The following RHBDL2 variants were observed in gnomAD, a reference collection of about 807,000 sequenced individuals.
RHBDL2 encodes the protein rhomboid-related protein 2.
RHBDL2 carries 26 observed loss-of-function variants against 31.7 expected under a neutral mutation model. The ratio of observed to expected loss-of-function variants is 0.82; its 90% CI spans 0.60 to 1.14. The LOEUF (loss-of-function observed/expected upper bound fraction) is 1.14. Among genes scored for constraint, RHBDL2 ranks in the 50% most tolerant of loss-of-function variants. RHBDL2 has a pLI of 0.00. For synonymous variants in RHBDL2, 123 were observed against 127.2 expected (o/e 0.97, Z 0.22); for missense variants, 336 against 364.4 (o/e 0.92, Z 0.63).
intron 1 of RHBDL2, among the ~76,000 whole-genome samples, chr1:38,927,666 C>T (rs1421674392): frequency 6.6e-6 from 1 of 152,160 alleles, no homozygotes; most frequent in Admixed American, 6.6e-5. Flanking sequence ...CCTCAGTTTC[C>T]TCAGCTGTAA....
Position 38,885,855 on chromosome 1 carries a change from T to G in RHBDL2, c.*649A>C, listed in dbSNP as rs866132398. ...CAGCATTGTACAGTATTCATAGATT[T>G]TATGAAGCATTCTCCAAAATATATC... is the stretch of plus-strand genomic sequence containing the variant. On this transcript the variant is annotated 3_prime_UTR_variant, in exon 8 of 8. Coordinates refer to ENST00000372990, the MANE Select transcript of RHBDL2 (RefSeq NM_017821.5). 1.3e-5 allele frequency: 2 copies of G among 152,700 alleles called. No homozygotes were observed. The highest frequency in any genetic ancestry group is 2.9e-5 in the Non-Finnish European group (2 of 68,050). The allele number at this position is 152,700 out of a possible 1,614,324, so 9.5% of individuals were successfully genotyped here. A position where few individuals can be genotyped will look rare whatever the true frequency, so the allele number is the denominator to read the frequency against.
chr1:38,935,525 T>G (rs1296961870), intron 1 of RHBDL2, among the ~76,000 whole-genome samples: 1 of 152,214 alleles, frequency 6.6e-6, no homozygotes, highest in Non-Finnish European at 1.5e-5. Flanking sequence ...ATATCTACTT[T>G]ATAGATTCGG....
intron 6 of RHBDL2, among the ~76,000 whole-genome samples, chr1:38,891,116 A>G (rs1446725209): frequency 6.6e-6 from 1 of 152,124 alleles, no homozygotes; most frequent in African/African-American, 2.4e-5. Flanking sequence ...TAAAAATACA[A>G]TAATTAGCCA....
chr1:38,915,242 C>T (rs1039909532), intron 3 of RHBDL2, among the ~76,000 whole-genome samples: 3 of 151,364 alleles, frequency 2.0e-5, no homozygotes, highest in Admixed American at 6.6e-5. Context: ...AAGCAATTCT[C>T]CTGCCTCAGC....
At chr1:38,894,216 C>T (rs1642887351) in intron 5 of RHBDL2, among the ~76,000 whole-genome samples, 1 of 152,140 alleles carries the variant, frequency 6.6e-6, no homozygotes. Flanking sequence ...TCTACAACCA[C>T]TAATGGGTTG....
At chr1:38,917,191 G>T (rs1643250361) in intron 2 of RHBDL2, among the ~76,000 whole-genome samples, 1 of 151,406 alleles carries the variant, frequency 6.6e-6, no homozygotes. Context: ...CTAATTTTTT[G>T]TATTTTTAGT....
intron 6 of RHBDL2, among the ~76,000 whole-genome samples, chr1:38,890,873 T>C (rs916370092): frequency 1.3e-5 from 2 of 152,130 alleles, no homozygotes; most frequent in Admixed American, 6.6e-5. Context: ...ACCAATTTTT[T>C]TGTAGAGACA....
intron 5 of RHBDL2, among the ~76,000 whole-genome samples, chr1:38,894,002 T>C (rs763559894): frequency 1.3e-5 from 2 of 152,200 alleles, no homozygotes; most frequent in Non-Finnish European, 2.9e-5. Flanking sequence ...GTCCCTTCAC[T>C]TTCAAATTAG....
chr1:38,919,696 C>A (rs1643286164), intron 1 of RHBDL2, among the ~76,000 whole-genome samples: 1 of 151,766 alleles, frequency 6.6e-6, no homozygotes, highest in Non-Finnish European at 1.5e-5. Context: ...GCAACCTCTG[C>A]CTCCTGGGTT....
Position 38,926,137 on chromosome 1 carries a change from G to A in RHBDL2, c.-125-6800C>T, listed in dbSNP as rs562344425. ...ATTCACTTTTGCATGTCCCTAGGCA[G>A]CTAGGGCAGCTTGACCAATCAGCTG... On this transcript the variant is annotated intron_variant, in intron 1 of 7. Transcript: ENST00000372990. 11 of 1,105,096 alleles carry A rather than the reference G, an allele frequency of 1.0e-5. No individual in the cohort carries two copies. The South Asian group carries it at 1.5e-4, about 15-fold the overall frequency. The allele number at this position is 1,105,096 out of a possible 1,614,324, so 68.5% of individuals were successfully genotyped here.
At chr1:38,888,278 T>C (rs1294816359) in intron 6 of RHBDL2, among the ~76,000 whole-genome samples, 1 of 151,916 alleles carries the variant, frequency 6.6e-6, no homozygotes, top group Non-Finnish European at 1.5e-5. Flanking sequence ...CAGGCATTAT[T>C]CTAGCTGGTA....
chr1:38,892,249 G>C (rs1642864339), intron 6 of RHBDL2, among the ~76,000 whole-genome samples: 1 of 151,940 alleles, frequency 6.6e-6, no homozygotes, highest in African/African-American at 2.4e-5. Flanking sequence ...ATACTTACTG[G>C]ATCAGTTTTT....
chr1:38,893,397 C>T (rs1642878025), intron 5 of RHBDL2, among the ~76,000 whole-genome samples, 173 bp from the exon 6 acceptor site: 1 of 152,102 alleles, frequency 6.6e-6, no homozygotes, highest in African/African-American at 2.4e-5. Context: ...AAGTACAATG[C>T]ACTTTGGAGA....
intron 1 of RHBDL2, among the ~76,000 whole-genome samples, chr1:38,935,997 C>T (rs539504848): frequency 3.9e-5 from 6 of 152,114 alleles, no homozygotes; most frequent in Admixed American, 3.3e-4. Context: ...ACTGAAGCCT[C>T]GACCTCTTGG....
intron 1 of RHBDL2, among the ~76,000 whole-genome samples, chr1:38,931,840 G>A: frequency 6.6e-6 from 1 of 152,178 alleles, no homozygotes; most frequent in Admixed American, 6.5e-5. Context: ...CCATCAGCAT[G>A]GTTAGGGCTA....
At position 38,932,695 on chromosome 1, in the gene RHBDL2, C is replaced by T. The variant is rs541174983; in HGVS notation, c.-126+8987G>A. ...AGCTGGTCTTGAACTCCTGAGCTCA[C>T]GCGATCCACCCACCTTGGCCTCCTG... On this transcript the variant is annotated intron_variant, in intron 1 of 7. Transcript: ENST00000372990. Among the ~76,000 whole-genome samples the T allele has an allele frequency of 9.9e-5, 15 of 152,228 alleles. No individual in the cohort carries two copies. The South Asian group carries it at 2.7e-3, about 27-fold the overall frequency.
intron 1 of RHBDL2, among the ~76,000 whole-genome samples, chr1:38,925,226 G>C (rs1401326684): frequency 6.6e-6 from 1 of 151,886 alleles, no homozygotes; most frequent in East Asian, 1.9e-4. Flanking sequence ...GGCCAGGCAT[G>C]GTAGCTCACA....
chr1:38,901,384 C>T (rs1642986353), intron 4 of RHBDL2, among the ~76,000 whole-genome samples: 1 of 149,950 alleles, frequency 6.7e-6, no homozygotes, highest in African/African-American at 2.5e-5. Flanking sequence ...ATTGCTTGAA[C>T]CCAGGAGGCA....
chr1:38,887,924 A>C, intron 7 of RHBDL2, 39 bp downstream of exon 7: 1 of 1,435,150 alleles, frequency 7.0e-7, no homozygotes, highest in Non-Finnish European at 9.7e-7. Flanking sequence ...TTGACAGTAA[A>C]CTAATTTCTA....
Sources: gnomAD v4.1 joint callset for allele counts (sites outside exome capture counted in the v4.1 genomes callset) on GRCh38, gnomAD v4.1.1 for gene constraint, MANE v1.5 for transcripts, NCBI Gene and HGNC (gene_info 2026-07-23, HGNC 2026-07-21) for gene names.